The following SIK3 variants were observed in gnomAD, a reference collection of about 807,000 sequenced individuals.
The protein encoded by SIK3 is serine/threonine-protein kinase SIK3.
In SIK3, 28 loss-of-function variants were observed where a neutral mutation model predicts 144.2. That is an observed-to-expected ratio of 0.19 (90% confidence interval 0.14 to 0.27). The LOEUF is 0.27. Among genes scored for constraint, SIK3 ranks in the 10% least tolerant of loss-of-function variants. The pLI is 1.00. For missense variants in SIK3, 1,319 were observed against 1,776.0 expected (o/e 0.74, Z 4.62); for synonymous variants, 686 against 676.3 (o/e 1.01, Z -0.22).
At chr11:116,881,380 GA>G (rs1353471033) in intron 6 of SIK3, among the ~76,000 whole-genome samples, 6 of 152,132 alleles carry the variant, frequency 3.9e-5, no homozygotes, top group Admixed American at 1.3e-4. Context: ...TCTGCCAACA[GA>G]ACGTTAACTA....
intron 1 of SIK3, among the ~76,000 whole-genome samples, chr11:117,096,917 G>A (rs760089133): frequency 6.6e-6 from 1 of 152,174 alleles, no homozygotes; most frequent in African/African-American, 2.4e-5. Context: ...GGTAGGAGGC[G>A]GCAGCAGCTG....
chr11:116,861,734 T>G (rs1007353024), intron 18 of SIK3, 107 bp downstream of exon 18: 30 of 740,924 alleles, frequency 4.0e-5, no homozygotes, highest in Non-Finnish European at 5.1e-5. Flanking sequence ...TTCAAATAGA[T>G]TCTTGCAAGA....
rs193187949 is a variant in SIK3, at chr11:116,870,239, C to A, written c.1808+92G>T. The stretch of plus-strand genomic sequence containing the variant: ...AGACCACACAAATGTTGAAGCTGCA[C>A]TCTACCACCTCCTTGGGCAGAGGTG... On this transcript the variant is annotated intron_variant, in intron 14 of 24. Transcript: ENST00000445177. The A allele has an allele frequency of 4.4e-6, 7 of 1,579,318 alleles. No individual in the cohort carries two copies. In the African/African-American group the frequency reaches 8.0e-5, roughly 18 times the overall value.
At chr11:116,947,531 A>ATGTATGTATT (rs1555107760) in intron 3 of SIK3, among the ~76,000 whole-genome samples, 1 of 125,022 alleles carries the variant, frequency 8.0e-6, no homozygotes, top group African/African-American at 3.0e-5. Context: ...ATATATATAT[A>ATGTATGTATT]TATGTATGTA....
chr11:117,087,684 C>T (rs532962071), intron 1 of SIK3, among the ~76,000 whole-genome samples: 1 of 152,298 alleles, frequency 6.6e-6, no homozygotes, highest in East Asian at 1.9e-4. Context: ...TGCTCATACA[C>T]TGCTCAGGAG....
chr11:116,968,145 T>C (rs1489638555), intron 1 of SIK3, among the ~76,000 whole-genome samples: 2 of 152,234 alleles, frequency 1.3e-5, no homozygotes, highest in East Asian at 1.9e-4. Context: ...TCTGGGTTTT[T>C]TTGTTTTTGT....
chr11:117,097,988 C>T (rs1056484020), intron 1 of SIK3, among the ~76,000 whole-genome samples, 155 bp downstream of exon 1: 4 of 151,704 alleles, frequency 2.6e-5, no homozygotes, highest in African/African-American at 9.7e-5. Context: ...TCCCTAGCTC[C>T]GCGCCCGCCC....
At chr11:117,069,772 G>GT (rs1160204910) in intron 1 of SIK3, among the ~76,000 whole-genome samples, 1 of 152,044 alleles carries the variant, frequency 6.6e-6, no homozygotes, top group East Asian at 1.9e-4. Context: ...AGCACATTCA[G>GT]AAAAACATTT....
In SIK3 at chr11:116,846,569, G is replaced by C; in HGVS notation, c.3953-16C>G. On this transcript the variant is annotated splice_polypyrimidine_tract_variant and intron_variant, in intron 23 of 24. Transcript: ENST00000445177. This position sits in a 1 kb window ranked among gnomAD's most constrained non-coding sequence, Gnocchi z 4.1. ...GCCCCACATTCTGCAAGACCAAAAA[G>C]AACGTATGAGGTTGGCAGGGAACTG... The C allele has an allele frequency of 6.2e-7, 1 of 1,613,996 alleles. No homozygotes were observed. The highest frequency in any genetic ancestry group is 8.5e-7 in the Non-Finnish European group (1 of 1,179,938).
chr11:117,033,623 G>A (rs1366084698), intron 1 of SIK3, among the ~76,000 whole-genome samples: 1 of 150,950 alleles, frequency 6.6e-6, no homozygotes, highest in Non-Finnish European at 1.5e-5. Context: ...GCAGGAGAAT[G>A]GTGTGAAGCC....
At chr11:116,909,891 T>A (rs1946248408) in intron 4 of SIK3, among the ~76,000 whole-genome samples, 1 of 152,224 alleles carries the variant, frequency 6.6e-6, no homozygotes, top group Non-Finnish European at 1.5e-5. Flanking sequence ...AGATCTCAAC[T>A]AAAGTTTTTG....
At chr11:116,993,880 TTTTC>T (rs1216430868) in intron 1 of SIK3, among the ~76,000 whole-genome samples, 2 of 152,200 alleles carry the variant, frequency 1.3e-5, no homozygotes, top group East Asian at 3.8e-4. Flanking sequence ...AGCAAGTGCC[TTTTC>T]CGAACTGTGT....
chr11:116,936,207 A>G (rs1311899268), intron 3 of SIK3, among the ~76,000 whole-genome samples: 2 of 152,072 alleles, frequency 1.3e-5, no homozygotes, highest in African/African-American at 4.8e-5. Context: ...TGAGACAGAG[A>G]CTCACTTTGT....
Position 116,904,271 on chromosome 11 carries a change from C to T in SIK3, c.617-6954G>A, listed in dbSNP as rs140989144. Reference sequence around the variant, plus strand: ...TCTGAATGGCAGTCAGGAGGGAGCACGAGCAAGGGCAGAACACTTAGAATT... The same window carrying T: ...TCTGAATGGCAGTCAGGAGGGAGCATGAGCAAGGGCAGAACACTTAGAATT... On this transcript the variant is annotated intron_variant, in intron 4 of 24. Coordinates refer to ENST00000445177, the MANE Select transcript of SIK3 (RefSeq NM_001366686.3). Among the ~76,000 whole-genome samples the T allele has an allele frequency of 2.6e-4, 40 of 152,204 alleles. No homozygotes were observed. The East Asian group carries it at 5.6e-3, about 21-fold the overall frequency.
At chr11:117,009,136 G>A (rs1195152030) in intron 1 of SIK3, among the ~76,000 whole-genome samples, 1 of 151,616 alleles carries the variant, frequency 6.6e-6, no homozygotes, top group African/African-American at 2.4e-5. Context: ...TTGGGGGGCT[G>A]AGGCAGGAGA....
intron 1 of SIK3, among the ~76,000 whole-genome samples, chr11:116,997,414 T>TA (rs1950706542): frequency 6.6e-6 from 1 of 152,252 alleles, no homozygotes; most frequent in African/African-American, 2.4e-5. Flanking sequence ...TGCAAGGCAC[T>TA]AAATGCATAT....
In SIK3 at chr11:116,844,388, C is replaced by G. The variant is rs1941747089; in HGVS notation, c.*1255G>C. The G allele has an allele frequency of 6.6e-6, 1 of 151,088 alleles. No individual in the cohort carries two copies. Among genetic ancestry groups the G allele is most frequent in the South Asian group, 2.1e-4 (1 of 4,768 alleles). 9.4% of individuals were successfully genotyped at this position (151,088 alleles called of 1,614,324 possible). On this transcript the variant is annotated 3_prime_UTR_variant, in exon 25 of 25. Coordinates refer to ENST00000445177, the MANE Select transcript of SIK3 (RefSeq NM_001366686.3). ...AACATTTCTCATTTAAACAAAAATT[C>G]CTTTTCTCTTTATTTATTAATAATG...
chr11:116,851,512 A>G (rs541438669), intron 21 of SIK3, among the ~76,000 whole-genome samples: 2 of 152,284 alleles, frequency 1.3e-5, no homozygotes, highest in African/African-American at 4.8e-5. Flanking sequence ...AAGGGAGGGG[A>G]GCTAACTGAC....
At chr11:116,870,169 G>C in intron 14 of SIK3, 162 bp downstream of exon 14, 1 of 1,537,846 alleles carries the variant, frequency 6.5e-7, no homozygotes, top group Non-Finnish European at 8.7e-7. Context: ...GTAGTCTTCT[G>C]TTACTTCCAT....
Sources: gnomAD v4.1 joint callset for allele counts (sites outside exome capture counted in the v4.1 genomes callset) on GRCh38, gnomAD v4.1.1 for gene constraint, Gnocchi (gnomAD v3.1) non-coding constraint, MANE v1.5 for transcripts, NCBI Gene and HGNC (gene_info 2026-07-23, HGNC 2026-07-21) for gene names.